Variants in EXT2 observed in about 807,000 individuals in gnomAD.
EXT2 encodes exostosin-2.
In EXT2, 53 loss-of-function variants were observed where a neutral mutation model predicts 81.6. The observed-to-expected ratio is 0.65, with a 90% CI of 0.52 to 0.82. The LOEUF is 0.82. EXT2 is among the 40% of genes least tolerant of loss of function. The pLI is 0.00. For synonymous variants in EXT2, 320 were observed against 340.0 expected, an observed-to-expected ratio of 0.94 and a Z score of 0.65; for missense variants, 774 against 910.2, an observed-to-expected ratio of 0.85 and a Z score of 1.93.
chr11:44,224,927 T>C (rs1291983116), intron 10 of EXT2, among the ~76,000 whole-genome samples: 1 of 152,224 alleles, frequency 6.6e-6, no homozygotes, highest in Non-Finnish European at 1.5e-5. Context: ...AAGTCTCTGT[T>C]TCCACTGGTT....
At chr11:44,204,138 C>G (rs1191666879) in intron 9 of EXT2, among the ~76,000 whole-genome samples, 4 of 152,142 alleles carry the variant, frequency 2.6e-5, no homozygotes, top group Admixed American at 2.6e-4. Flanking sequence ...TCTGGGTACC[C>G]TGAGCATCCC....
chr11:44,168,119 G>A (rs7121164), intron 7 of EXT2, among the ~76,000 whole-genome samples: 139,091 of 152,064 alleles, frequency 0.91, 63,709 homozygotes, highest in East Asian at 0.99. Flanking sequence ...ATGGTTTCCA[G>A]TTTCAACAAA....
chr11:44,130,850 G>A (rs1481673516), intron 7 of EXT2, among the ~76,000 whole-genome samples: 2 of 152,250 alleles, frequency 1.3e-5, no homozygotes, highest in Non-Finnish European at 2.9e-5. Flanking sequence ...CAGGAAAAGA[G>A]GCTTGGCGGA....
intron 7 of EXT2, among the ~76,000 whole-genome samples, chr11:44,160,306 A>G (rs1954912053): frequency 6.6e-6 from 1 of 152,136 alleles, no homozygotes; most frequent in African/African-American, 2.4e-5. Flanking sequence ...GATTCTCTCT[A>G]TTCACCTGCC....
chr11:44,144,568 C>A (rs1359708753), intron 7 of EXT2, among the ~76,000 whole-genome samples: 1 of 152,194 alleles, frequency 6.6e-6, no homozygotes, highest in Non-Finnish European at 1.5e-5. Flanking sequence ...CTAGGGACCT[C>A]ACCTCACAGC....
At chr11:44,158,561 TAAATTAATTAATTTTAATA>T (rs1383047669) in intron 7 of EXT2, among the ~76,000 whole-genome samples, 2 of 150,702 alleles carry the variant, frequency 1.3e-5, no homozygotes, top group African/African-American at 4.8e-5. Flanking sequence ...TAATTTTAAT[TAAATTAATTAATTTTAATA>T]AATTGATTTT....
intron 7 of EXT2, among the ~76,000 whole-genome samples, chr11:44,134,351 G>C (rs180785641): frequency 1.0e-3 from 154 of 152,276 alleles, no homozygotes; most frequent in African/African-American, 3.6e-3. Flanking sequence ...GCTTGTGTTG[G>C]GGATATATGG....
intron 12 of EXT2, among the ~76,000 whole-genome samples, chr11:44,235,403 G>A (rs561741271): frequency 6.6e-6 from 1 of 151,654 alleles, no homozygotes; most frequent in East Asian, 1.9e-4. Context: ...CGCCATGTCC[G>A]GCTAATTTTT....
intron 8 of EXT2, among the ~76,000 whole-genome samples, chr11:44,183,679 T>A (rs1955268067): frequency 6.6e-6 from 1 of 152,194 alleles, no homozygotes; most frequent in South Asian, 2.1e-4. Context: ...GATAACTTTT[T>A]CACATCTATT....
rs1178916731 is a variant in EXT2 at position 44,156,417 on chromosome 11, C to T, written c.1174-15194C>T. ...ATCTTGTAGGCATGCTTCATTCTTT[C>T]TTATTCTGTTTTCTTTTGTCTCCTC... On this transcript the variant is annotated intron_variant, in intron 7 of 13. Transcript: ENST00000533608. 2.0e-5 allele frequency among the ~76,000 whole-genome samples: 3 copies of T among 152,170 alleles called. No homozygotes were observed. In the East Asian group the frequency reaches 5.8e-4, roughly 29 times the overall value.
chr11:44,170,483 T>C (rs1030178882), intron 7 of EXT2, among the ~76,000 whole-genome samples: 1 of 151,552 alleles, frequency 6.6e-6, no homozygotes, highest in African/African-American at 2.4e-5. Context: ...ACTAGCAAAA[T>C]AGAAAGAATT....
Position 44,250,414 on chromosome 11 carries a change from G to A in EXT2, c.*6127G>A, listed in dbSNP as rs1439896465. Among the ~76,000 whole-genome samples the A allele has an allele frequency of 6.6e-6, 1 of 152,208 alleles. No individual in the cohort carries two copies. Among genetic ancestry groups the A allele is most frequent in the East Asian group, 1.9e-4 (1 of 5,198 alleles). On this transcript the variant is annotated 3_prime_UTR_variant, in exon 14 of 14. Transcript: ENST00000533608. Reference sequence around the variant, plus strand: ...AGAGCACTTATGCCTGAGTTGGTGAGATGGAATGATGTATCATATCTCTTC... The same window carrying A: ...AGAGCACTTATGCCTGAGTTGGTGAAATGGAATGATGTATCATATCTCTTC...
intron 8 of EXT2, among the ~76,000 whole-genome samples, chr11:44,181,401 C>G (rs970055440): frequency 6.6e-6 from 1 of 152,098 alleles, no homozygotes; most frequent in Non-Finnish European, 1.5e-5. Context: ...AACTGGAAAT[C>G]CATGTGCTTC....
intron 10 of EXT2, among the ~76,000 whole-genome samples, chr11:44,222,346 C>T (rs867763741): frequency 6.6e-6 from 1 of 152,176 alleles, no homozygotes; most frequent in Non-Finnish European, 1.5e-5. Flanking sequence ...TCCATTCATG[C>T]AAGAATTGTA....
At chr11:44,195,464 T>G (rs560478536) in intron 8 of EXT2, among the ~76,000 whole-genome samples, 1 of 152,134 alleles carries the variant, frequency 6.6e-6, no homozygotes, top group Non-Finnish European at 1.5e-5. Flanking sequence ...AGATGGCGTT[T>G]CCTATTGTGT....
In EXT2 at chr11:44,124,828, C is replaced by G; in HGVS notation, c.783C>G (p.Leu261=). ...QYFLLSSQVG[L]HPEYREDLEA... ...TCCTCCTGTCATCTCAGGTGGGTCTCCATCCTGAGTACAGAGAGGACCTAG... is the reference window on the plus strand; with the variant it reads ...TCCTCCTGTCATCTCAGGTGGGTCTGCATCCTGAGTACAGAGAGGACCTAG... The change falls in exon 5 of 14, where the codon CTC becomes CTG. Residue 261 remains leucine (L), a synonymous_variant. Coordinates refer to ENST00000533608, the MANE Select transcript of EXT2 (RefSeq NM_207122.2). 2 of 1,614,134 alleles carry G rather than the reference C, an allele frequency of 1.2e-6. No homozygotes were observed. Among genetic ancestry groups the G allele is most frequent in the South Asian group, 1.1e-5 (1 of 91,066 alleles).
chr11:44,133,607 TGCCATGA>T (rs1954524898), intron 7 of EXT2, among the ~76,000 whole-genome samples: 1 of 152,210 alleles, frequency 6.6e-6, no homozygotes, highest in Admixed American at 6.5e-5. Flanking sequence ...AAATCCTAAA[TGCCATGA>T]GCCACTCTGG....
At chr11:44,097,849 G>A (rs1268246865) in intron 1 of EXT2, among the ~76,000 whole-genome samples, 1 of 152,126 alleles carries the variant, frequency 6.6e-6, no homozygotes, top group East Asian at 1.9e-4. Flanking sequence ...TGAAAACATT[G>A]GACTAAGTGG....
chr11:44,153,115 G>A (rs75962366), intron 7 of EXT2, among the ~76,000 whole-genome samples: 5,167 of 152,254 alleles, frequency 0.034, 300 homozygotes, highest in African/African-American at 0.12. Context: ...GGGAAGAACC[G>A]ACATCTTGAC....
Sources: allele counts gnomAD v4.1 joint callset (sites outside exome capture counted in the v4.1 genomes callset), GRCh38; gene constraint gnomAD v4.1.1; transcripts MANE v1.5; gene names NCBI Gene and HGNC (gene_info 2026-07-23, HGNC 2026-07-21).